CMYA5: variants seen among roughly 807,000 people sequenced by gnomAD.
CMYA5 encodes the protein cardiomyopathy associated 5.
A neutral mutation model predicts 318.9 loss-of-function variants in CMYA5; 246 were observed. The ratio of observed to expected loss-of-function variants is 0.77; its 90% CI spans 0.70 to 0.86. The LOEUF is 0.86. Ranked by LOEUF, CMYA5 falls within the 40% of genes least tolerant of loss-of-function variation. The probability of loss-of-function intolerance (pLI) is 0.00; values close to 1 mark genes in which losing one functional copy is unlikely to be tolerated. For missense variants in CMYA5, 4,589 were observed against 4,678.2 expected, an observed-to-expected ratio of 0.98 and a Z score of 0.56; for synonymous variants, 1,641 against 1,729.5, an observed-to-expected ratio of 0.95 and a Z score of 1.27.
At chr5:79,706,037 G>A (rs1282868899) in intron 1 of CMYA5, among the ~76,000 whole-genome samples, 2 of 152,180 alleles carry the variant, frequency 1.3e-5, no homozygotes, top group African/African-American at 4.8e-5. Context: ...CAATGCAACA[G>A]GGCTCTTTCT....
At chr5:79,759,066 G>A (rs1828594443) in intron 7 of CMYA5, among the ~76,000 whole-genome samples, 164 bp downstream of exon 7, 1 of 152,104 alleles carries the variant, frequency 6.6e-6, no homozygotes, top group Non-Finnish European at 1.5e-5. Flanking sequence ...AATAACTACA[G>A]AAGCAAAATT....
chr5:79,769,358 C>G (rs1828814035), intron 9 of CMYA5, among the ~76,000 whole-genome samples: 1 of 152,014 alleles, frequency 6.6e-6, no homozygotes, highest in Non-Finnish European at 1.5e-5. Context: ...ACTTATGATC[C>G]TTTAAAGGAG....
chr5:79,754,712 G>A (rs1411245373), intron 6 of CMYA5, among the ~76,000 whole-genome samples: 1 of 151,856 alleles, frequency 6.6e-6, no homozygotes, highest in Non-Finnish European at 1.5e-5. Context: ...ATTTTTAATT[G>A]TACAGTTTAG....
intron 1 of CMYA5, among the ~76,000 whole-genome samples, chr5:79,697,534 A>G (rs1267545657): frequency 6.6e-6 from 1 of 152,206 alleles, no homozygotes. Flanking sequence ...ATCTCTTCCA[A>G]GCACTATCAC....
chr5:79,728,141 G>A (rs1173143443), intron 1 of CMYA5, among the ~76,000 whole-genome samples: 1 of 152,038 alleles, frequency 6.6e-6, no homozygotes, highest in African/African-American at 2.4e-5. Flanking sequence ...GACATTTTTT[G>A]TGACCTCTCT....
intron 7 of CMYA5, 22 bp downstream of exon 7, chr5:79,758,924 CA>C (rs761177282): frequency 1.9e-6 from 3 of 1,539,680 alleles, no homozygotes; most frequent in Non-Finnish European, 2.6e-6. Flanking sequence ...AACACAAATA[CA>C]AATGCATATG....
chr5:79,778,811 C>CTGTGTGTGTGTGTGTGTGTG (rs35461782), intron 9 of CMYA5, among the ~76,000 whole-genome samples: 15 of 85,004 alleles, frequency 1.8e-4, no homozygotes, highest in East Asian at 1.6e-3. Context: ...CTCTCTCTTT[C>CTGTGTGTGTGTGTGTGTGTG]TGTGTGTGTG....
At chr5:79,699,025 G>A (rs56951412) in intron 1 of CMYA5, among the ~76,000 whole-genome samples, 11,637 of 152,118 alleles carry the variant, frequency 0.076, 572 homozygotes, top group East Asian at 0.16. Flanking sequence ...GGGCGTAGTT[G>A]CGTGCACCTG....
rs768658493 is a variant in CMYA5 at position 79,732,936 on chromosome 5, G to T, written c.4171G>T (p.Val1391Leu). ...TGTAGATCGTCCAGTCTTAACAAAAGTAGGAAAGGGTGAATTAGGAAGTGG... is the reference window on the plus strand; with the variant it reads ...TGTAGATCGTCCAGTCTTAACAAAATTAGGAAAGGGTGAATTAGGAAGTGG... ...TPVDRPVLTK[V>L]GKGELGSGLP... The change falls in exon 2 of 13, where the codon GTA (valine) becomes TTA (leucine). Residue 1391 changes from valine to leucine, a missense_variant. By Grantham distance (32) the Val-to-Leu change is conservative. Around this residue, in one of 3 missense-constraint regions of CMYA5, gnomAD observed 2,132 missense variants for 2,131.3 expected, o/e 1.00. Transcript: ENST00000446378. 3.1e-6 allele frequency: 5 copies of T among 1,613,690 alleles called. No individual in the cohort carries two copies. The highest frequency in any genetic ancestry group is 1.7e-5 in the Admixed American group (1 of 59,952).
At chr5:79,775,615 G>A (rs1268589565) in intron 9 of CMYA5, among the ~76,000 whole-genome samples, 1 of 152,150 alleles carries the variant, frequency 6.6e-6, no homozygotes, top group African/African-American at 2.4e-5. Flanking sequence ...CACTAAGAGA[G>A]ACAATTATAT....
intron 6 of CMYA5, among the ~76,000 whole-genome samples, chr5:79,755,009 C>T (rs572271313): frequency 6.6e-6 from 1 of 152,266 alleles, no homozygotes; most frequent in Non-Finnish European, 1.5e-5. Flanking sequence ...ACTTTTCCTC[C>T]TCTTATCTAT....
chr5:79,743,917 A>G lies in CMYA5; in HGVS notation c.10729A>G (p.Ile3577Val), dbSNP rs199850208. The G allele has an allele frequency of 1.3e-3, 1,963 of 1,509,926 alleles. 6 individuals carry two copies. In the Middle Eastern group the frequency reaches 0.014, roughly 10 times the overall value. The allele number at this position is 1,509,926 out of a possible 1,614,324, so 93.5% of individuals were successfully genotyped here. The change falls in exon 3 of 13, where the codon ATT becomes GTT. Residue 3577 changes from isoleucine (I) to valine (V), a missense_variant. Physicochemically the swap from Ile to Val is conservative, Grantham distance 29 (BLOSUM62 3). Around this residue, in one of 3 missense-constraint regions of CMYA5, gnomAD observed 2,431 missense variants for 2,495.1 expected, o/e 0.97. Coordinates refer to ENST00000446378, the MANE Select transcript of CMYA5 (RefSeq NM_153610.5). ...TGAGATAGAATCCTTTTTTAATACC[A>G]TTGAGGTAAGTTAACACACCCATTT... is the stretch of plus-strand genomic sequence containing the variant. Reference protein sequence around the residue: ...VSEIESFFNTIEENCSKNEKR... With the variant: ...VSEIESFFNTVEENCSKNEKR...
chr5:79,761,839 G>A lies in CMYA5; in HGVS notation c.11289G>A (p.Val3763=). The part of the protein sequence containing the change: ...NELVEEYRLT[V]KESYCIFEDL... ...TGGTAGAAGAATACAGACTGACAGT[G>A]AAAGAAAGCTACTGCATTTTTGAAG... is the stretch of plus-strand genomic sequence containing the variant. The change falls in exon 8 of 13, where the codon GTG becomes GTA. Residue 3763 remains valine, a synonymous_variant. Transcript: ENST00000446378. 1 of 1,613,570 alleles carries A rather than the reference G, an allele frequency of 6.2e-7. No homozygotes were observed. Among genetic ancestry groups the A allele is most frequent in the Non-Finnish European group, 8.5e-7 (1 of 1,179,712 alleles).
chr5:79,741,954 A>C (rs1311586787), intron 2 of CMYA5, among the ~76,000 whole-genome samples: 3 of 152,086 alleles, frequency 2.0e-5, no homozygotes, highest in African/African-American at 7.2e-5. Flanking sequence ...CATTTCATTA[A>C]GTCAGCCATG....
At chr5:79,752,868 A>G in intron 6 of CMYA5, 74 bp downstream of exon 6, 3 of 1,028,522 alleles carry the variant, frequency 2.9e-6, no homozygotes, top group Middle Eastern at 2.2e-4. Flanking sequence ...ATGTAATGAT[A>G]TATACAAAAG....
rs201918595 is a variant in CMYA5 at position 79,735,539 on chromosome 5, C to T, written c.6774C>T (p.Asp2258=). The change falls in exon 2 of 13, where the codon GAC becomes GAT. Residue 2258 remains aspartate, a synonymous_variant. Transcript: ENST00000446378. ...EPRGTLVKSG[D]GQNVKEKSMI... ...GAGGTACTTTAGTAAAATCTGGTGACGGTCAAAACGTTAAAGAAAAATCCA... is the reference window on the plus strand; with the variant it reads ...GAGGTACTTTAGTAAAATCTGGTGATGGTCAAAACGTTAAAGAAAAATCCA... 65 of 1,612,378 alleles carry T rather than the reference C, an allele frequency of 4.0e-5. No individual in the cohort carries two copies. The Admixed American group carries it at 4.9e-4, about 12-fold the overall frequency.
rs777065636 is a variant in CMYA5, at chr5:79,737,248, T to C, written c.8483T>C (p.Ile2828Thr). The change falls in exon 2 of 13, where the codon ATT becomes ACT. Residue 2828 changes from isoleucine (I) to threonine (T), a missense_variant. By Grantham distance (89) the Ile-to-Thr change is moderately conservative (BLOSUM62 -1). This residue lies in a region of CMYA5 where 2,431 missense variants were observed against 2,495.1 expected (regional missense o/e 0.97). Transcript: ENST00000446378. The stretch of plus-strand genomic sequence containing the variant: ...CTTGCTTCAGGAGCTTCTCCAGAAA[T>C]TAACGCAGTGAAGAAAAAAGAAATG... ...QTLASGASPEINAVKKKEMPR... is the reference protein window; with the variant it reads ...QTLASGASPETNAVKKKEMPR... The C allele has an allele frequency of 2.5e-6, 4 of 1,613,732 alleles. No homozygotes were observed. Among genetic ancestry groups the C allele is most frequent in the Non-Finnish European group, 3.4e-6 (4 of 1,179,812 alleles).
Position 79,730,864 on chromosome 5 carries a change from A to G in CMYA5, c.2099A>G (p.Tyr700Cys). The part of the protein sequence containing the change: ...YTPDSTSASE[Y>C]SVPSLATKES... ...CCAGACTCCACATCTGCTTCTGAAT[A>G]TTCAGTTCCATCACTGGCAACAAAA... is the stretch of plus-strand genomic sequence containing the variant. Residue 700 changes from tyrosine to cysteine, a missense_variant, in exon 2 of 13, where the codon TAT (tyrosine) becomes TGT (cysteine). Transcript: ENST00000446378. 6.2e-7 allele frequency: 1 copy of G among 1,613,948 alleles called. No individual in the cohort carries two copies. Among genetic ancestry groups the G allele is most frequent in the Non-Finnish European group, 8.5e-7 (1 of 1,179,862 alleles).
In CMYA5 at chr5:79,738,741, A is replaced by C. The variant is rs1291740833; in HGVS notation, c.9976A>C (p.Thr3326Pro). The change falls in exon 2 of 13, where the codon ACA becomes CCA. Residue 3326 changes from threonine to proline, a missense_variant. Physicochemically the swap from Thr to Pro is conservative, Grantham distance 38. Coordinates refer to ENST00000446378, the MANE Select transcript of CMYA5 (RefSeq NM_153610.5). ...NVAMQKKAPITEDVRVATQKI... is the reference protein window; with the variant it reads ...NVAMQKKAPIPEDVRVATQKI... Reference sequence around the variant, plus strand: ...AGCGATGCAGAAGAAAGCTCCCATCACAGAGGACGTCAGAGTGGCTACCCA... The same window carrying C: ...AGCGATGCAGAAGAAAGCTCCCATCCCAGAGGACGTCAGAGTGGCTACCCA... The C allele has an allele frequency of 6.2e-7, 1 of 1,613,956 alleles. No individual in the cohort carries two copies. The highest frequency in any genetic ancestry group is 8.5e-7 in the Non-Finnish European group (1 of 1,179,876).
Sources: allele counts gnomAD v4.1 joint callset (sites outside exome capture counted in the v4.1 genomes callset), GRCh38; gene constraint gnomAD v4.1.1; regional missense constraint gnomAD v4.1.1; transcripts MANE v1.5; gene names NCBI Gene and HGNC (gene_info 2026-07-23, HGNC 2026-07-21).